Variants in PCDHGA12 observed in about 807,000 individuals in gnomAD.
The protein encoded by PCDHGA12 is protocadherin gamma-A12.
In PCDHGA12, 43 loss-of-function variants were observed where a neutral mutation model predicts 61.1. The ratio of observed to expected loss-of-function variants is 0.70; its 90% CI spans 0.55 to 0.91. The LOEUF is 0.91. Ranked by LOEUF, PCDHGA12 falls within the 40% of genes least tolerant of loss-of-function variation. The probability of loss-of-function intolerance (pLI) is 0.00; values close to 1 mark genes in which losing one functional copy is unlikely to be tolerated. For missense variants in PCDHGA12, 1,236 were observed against 1,227.7 expected (o/e 1.01, Z -0.10); for synonymous variants, 520 against 542.9 (o/e 0.96, Z 0.59).
rs200715621 is a variant in PCDHGA12 at position 141,432,628 on chromosome 5, G to A, written c.1869G>A (p.Thr623=). 3.2e-4 allele frequency: 515 copies of A among 1,611,902 alleles called. No individual in the cohort carries two copies. Among genetic ancestry groups the A allele is most frequent in the Non-Finnish European group, 4.2e-4 (497 of 1,179,404 alleles). Residue 623 remains threonine, a synonymous_variant, in exon 1 of 4, where the codon ACG becomes ACA. Coordinates refer to ENST00000252085, the MANE Select transcript of PCDHGA12 (RefSeq NM_003735.3). The surrounding 1 kb of genome is among the most constrained non-coding windows in gnomAD (Gnocchi z 6.0). ...EPGLFSVGLH[T]GEVRTARALL... ...GACTCTTCTCGGTGGGTCTGCACAC[G>A]GGCGAGGTGCGCACGGCGCGAGCCC...
In PCDHGA12 at chr5:141,487,568, C is replaced by T. The variant is rs752378906; in HGVS notation, c.2425-7239C>T. Reference sequence around the variant, plus strand: ...ACCCAGTGCACCTATGGCAGGGGAGCCTGTTCGCCCAAGCTGCCCACCCTC... The same window carrying T: ...ACCCAGTGCACCTATGGCAGGGGAGTCTGTTCGCCCAAGCTGCCCACCCTC... On this transcript the variant is annotated intron_variant, in intron 1 of 3. Transcript: ENST00000252085. This position sits in a 1 kb window ranked among gnomAD's most constrained non-coding sequence, Gnocchi z 5.0. The T allele has an allele frequency of 1.2e-6, 2 of 1,614,180 alleles. No individual in the cohort carries two copies. The highest frequency in any genetic ancestry group is 1.7e-6 in the Non-Finnish European group (2 of 1,180,042).
chr5:141,489,846 T>C lies in PCDHGA12; in HGVS notation c.2425-4961T>C. The C allele has an allele frequency of 6.2e-7, 1 of 1,614,190 alleles. No individual in the cohort carries two copies. The highest frequency in any genetic ancestry group is 1.1e-5 in the South Asian group (1 of 91,088). ...TGGTGCTAGAGCAGCAGCTGGATCG[T>C]GAAGCCCAGGCAAGACATCAGCTGG... is the stretch of plus-strand genomic sequence containing the variant. On this transcript the variant is annotated intron_variant, in intron 1 of 3. Coordinates refer to ENST00000252085, the MANE Select transcript of PCDHGA12 (RefSeq NM_003735.3). This position sits in a 1 kb window ranked among gnomAD's most constrained non-coding sequence, Gnocchi z 4.5.
Position 141,432,224 on chromosome 5 carries a change from T to C in PCDHGA12, c.1465T>C (p.Tyr489His). The change falls in exon 1 of 4, where the codon TAT becomes CAT. Residue 489 changes from tyrosine (Y) to histidine (H), a missense_variant. Physicochemically the swap from Tyr to His is moderately conservative, Grantham distance 83 (BLOSUM62 2). Transcript: ENST00000252085. The surrounding 1 kb of genome is among the most constrained non-coding windows in gnomAD (Gnocchi z 6.0). The stretch of plus-strand genomic sequence containing the variant: ...CTGTGAAGAGAACGCCCAGATCACT[T>C]ATTCCCTGGCTGAGAACACCATCCA... ...PDCEENAQITYSLAENTIQGA... is the reference protein window; with the variant it reads ...PDCEENAQITHSLAENTIQGA... 6.2e-7 allele frequency: 1 copy of C among 1,614,138 alleles called. No homozygotes were observed. Among genetic ancestry groups the C allele is most frequent in the Non-Finnish European group, 8.5e-7 (1 of 1,180,024 alleles).
Position 141,459,563 on chromosome 5 carries a change from C to T in PCDHGA12, c.2424+26380C>T, listed in dbSNP as rs1382676727. On this transcript the variant is annotated intron_variant, in intron 1 of 3. Coordinates refer to ENST00000252085, the MANE Select transcript of PCDHGA12 (RefSeq NM_003735.3). ...TTTTATTTCTCTTGGATAAATACCCCAAAACAGAATTGTTTTGGGGGTCAT... is the reference window on the plus strand; with the variant it reads ...TTTTATTTCTCTTGGATAAATACCCTAAAACAGAATTGTTTTGGGGGTCAT... Among the ~76,000 whole-genome samples, 21 of 152,044 alleles carry T rather than the reference C, an allele frequency of 1.4e-4. 1 individual carries two copies.
chr5:141,446,633 C>T (rs2098509543), intron 1 of PCDHGA12, among the ~76,000 whole-genome samples: 4 of 152,208 alleles, frequency 2.6e-5, no homozygotes, highest in East Asian at 1.9e-4. Flanking sequence ...TGCACCACCA[C>T]GCCTGGCTAA....
chr5:141,456,973 A>G (rs1276476368), intron 1 of PCDHGA12, among the ~76,000 whole-genome samples: 2 of 147,412 alleles, frequency 1.4e-5, no homozygotes, highest in Admixed American at 6.7e-5. Flanking sequence ...AAAACAAAAC[A>G]AACAAACAAA....
chr5:141,447,848 G>A (rs539844218), intron 1 of PCDHGA12, among the ~76,000 whole-genome samples: 46 of 152,302 alleles, frequency 3.0e-4, no homozygotes, highest in East Asian at 2.7e-3. Context: ...TGCTTTGGGA[G>A]GCCGAGGTGG....
rs765263883 is a variant in PCDHGA12 at position 141,491,018 on chromosome 5, C to T, written c.2425-3789C>T. On this transcript the variant is annotated intron_variant, in intron 1 of 3. Coordinates refer to ENST00000252085, the MANE Select transcript of PCDHGA12 (RefSeq NM_003735.3). This position sits in a 1 kb window ranked among gnomAD's most constrained non-coding sequence, Gnocchi z 6.9. The stretch of plus-strand genomic sequence containing the variant: ...CCTGGCTCCTTGGTCACCAAGGTGA[C>T]AGCCGTGGATGCTGATGCAGGCCAC... 1.2e-6 allele frequency: 2 copies of T among 1,614,146 alleles called. No individual in the cohort carries two copies. The highest frequency in any genetic ancestry group is 1.7e-6 in the Non-Finnish European group (2 of 1,180,042).
chr5:141,450,948 C>T (rs1250110393), intron 1 of PCDHGA12, among the ~76,000 whole-genome samples: 2 of 151,870 alleles, frequency 1.3e-5, no homozygotes, highest in East Asian at 3.9e-4. Flanking sequence ...CCTCAGCCTC[C>T]CAAGTAGCTG....
intron 1 of PCDHGA12, chr5:141,478,043 A>G (rs1399496347): frequency 7.4e-6 from 12 of 1,613,710 alleles, no homozygotes; most frequent in Non-Finnish European, 1.0e-5. Flanking sequence ...ACCCAGGCAG[A>G]CTCTCACGGT....
In PCDHGA12 at chr5:141,486,518, A is replaced by G; in HGVS notation, c.2425-8289A>G. The G allele has an allele frequency of 6.2e-7, 1 of 1,614,132 alleles. No homozygotes were observed. Among genetic ancestry groups the G allele is most frequent in the Non-Finnish European group, 8.5e-7 (1 of 1,179,996 alleles). On this transcript the variant is annotated intron_variant, in intron 1 of 3. Coordinates refer to ENST00000252085, the MANE Select transcript of PCDHGA12 (RefSeq NM_003735.3). The surrounding 1 kb of genome is among the most constrained non-coding windows in gnomAD (Gnocchi z 5.0). ...TATTTTCCTCAATATTTCAGATGTG[A>G]ATGATAATCCACCCTCTTTCTTTCA...
chr5:141,508,139 G>C (rs1243018384), intron 3 of PCDHGA12: 1 of 152,514 alleles, frequency 6.6e-6, no homozygotes, highest in African/African-American at 2.4e-5. Flanking sequence ...CAGGGAGCTG[G>C]GGGCTGAGTT....
intron 1 of PCDHGA12, among the ~76,000 whole-genome samples, chr5:141,479,798 G>C (rs892288776): frequency 6.6e-6 from 1 of 152,234 alleles, no homozygotes; most frequent in East Asian, 1.9e-4. Context: ...ATTAATTCAG[G>C]GTGGTATGCA....
At chr5:141,433,257 G>C (rs764036349) in intron 1 of PCDHGA12, 74 bp downstream of exon 1, 3 of 1,385,416 alleles carry the variant, frequency 2.2e-6, no homozygotes, top group Non-Finnish European at 3.0e-6. Flanking sequence ...GCAGCGGTAC[G>C]ATCATAGCTC....
rs748105196 is a variant in PCDHGA12 at position 141,486,849 on chromosome 5, A to G, written c.2425-7958A>G. ...GTTCGTCTATTTGTGCTGGACCTCA[A>G]TGACAATGCTCCAGCTGTGCTCCGT... is the stretch of plus-strand genomic sequence containing the variant. On this transcript the variant is annotated intron_variant, in intron 1 of 3. Coordinates refer to ENST00000252085, the MANE Select transcript of PCDHGA12 (RefSeq NM_003735.3). The surrounding 1 kb of genome is among the most constrained non-coding windows in gnomAD (Gnocchi z 5.0). 4.3e-6 allele frequency: 7 copies of G among 1,614,110 alleles called. No individual in the cohort carries two copies. The highest frequency in any genetic ancestry group is 5.1e-6 in the Non-Finnish European group (6 of 1,180,036).
In PCDHGA12 at chr5:141,431,019, C is replaced by A. The variant is rs1368671750; in HGVS notation, c.260C>A (p.Ala87Glu). 1 of 1,613,488 alleles carries A rather than the reference C, an allele frequency of 6.2e-7. No individual in the cohort carries two copies. The highest frequency in any genetic ancestry group is 1.7e-5 in the Admixed American group (1 of 59,968). ...CCGCGCAGCGGCAGCTTGGTCACGG[C>A]GGGCAGGATAGACCGGGAGGAGCTC... ...LNPRSGSLVT[A>E]GRIDREELCM... Residue 87 changes from alanine (A) to glutamate (E), a missense_variant, in exon 1 of 4, where the codon GCG becomes GAG. Physicochemically the swap from Ala to Glu is moderately radical, Grantham distance 107 (BLOSUM62 -1). Transcript: ENST00000252085. The surrounding 1 kb of genome is among the most constrained non-coding windows in gnomAD (Gnocchi z 4.8).
chr5:141,432,305 G>T lies in PCDHGA12; in HGVS notation c.1546G>T (p.Ala516Ser). 1 of 1,614,254 alleles carries T rather than the reference G, an allele frequency of 6.2e-7. No individual in the cohort carries two copies. Among genetic ancestry groups the T allele is most frequent in the African/African-American group, 1.3e-5 (1 of 75,072 alleles). ...SINSDTGVLY[A>S]LSSFDYEQFR... ...CAACTCCGACACTGGGGTACTGTAT[G>T]CGCTGAGCTCCTTCGACTACGAGCA... The change falls in exon 1 of 4, where the codon GCG becomes TCG. Residue 516 changes from alanine to serine, a missense_variant. By Grantham distance (99) the Ala-to-Ser change is moderately conservative. Transcript: ENST00000252085. This position sits in a 1 kb window ranked among gnomAD's most constrained non-coding sequence, Gnocchi z 6.0.
chr5:141,447,298 C>T lies in PCDHGA12; in HGVS notation c.2424+14115C>T, dbSNP rs187482431. 1.7e-3 allele frequency among the ~76,000 whole-genome samples: 260 copies of T among 152,214 alleles called. 2 individuals carry two copies. Among genetic ancestry groups the T allele is most frequent in the African/African-American group, 5.8e-3 (239 of 41,534 alleles). ...GGGACTACAGGCACATGCCACCACA[C>T]CCGGCTAATTTTTGTATTTTTAGTA... On this transcript the variant is annotated intron_variant, in intron 1 of 3. Coordinates refer to ENST00000252085, the MANE Select transcript of PCDHGA12 (RefSeq NM_003735.3).
rs776293224 is a variant in PCDHGA12, at chr5:141,477,889, A to G, written c.2425-16918A>G. Reference sequence around the variant, plus strand: ...GTACCTCAGCTGGCCACCTAGTGTCACGGGTGGTAGGCTGGGACGCGGATG... The same window carrying G: ...GTACCTCAGCTGGCCACCTAGTGTCGCGGGTGGTAGGCTGGGACGCGGATG... On this transcript the variant is annotated intron_variant, in intron 1 of 3. Coordinates refer to ENST00000252085, the MANE Select transcript of PCDHGA12 (RefSeq NM_003735.3). This position sits in a 1 kb window ranked among gnomAD's most constrained non-coding sequence, Gnocchi z 4.9. The G allele has an allele frequency of 1.8e-5, 29 of 1,614,034 alleles. No individual in the cohort carries two copies. Among genetic ancestry groups the G allele is most frequent in the Non-Finnish European group, 2.5e-5 (29 of 1,180,026 alleles).
Sources: gnomAD v4.1 joint callset for allele counts (sites outside exome capture counted in the v4.1 genomes callset) on GRCh38, gnomAD v4.1.1 for gene constraint, Gnocchi (gnomAD v3.1) non-coding constraint, MANE v1.5 for transcripts, NCBI Gene and HGNC (gene_info 2026-07-23, HGNC 2026-07-21) for gene names.